Variants in SDK1 observed in about 807,000 individuals in gnomAD.
The protein encoded by SDK1 is protein sidekick-1.
Under a neutral mutation model 245.5 loss-of-function variants are expected in SDK1, and 157 were observed. The ratio of observed to expected loss-of-function variants is 0.64; its 90% CI spans 0.56 to 0.73. The LOEUF is 0.73. SDK1 is among the 30% of genes least tolerant of loss of function. The pLI is 0.00. For synonymous variants in SDK1, 1,647 were observed against 1,278.5 expected, an observed-to-expected ratio of 1.29 and a Z score of -6.15; for missense variants, 3,583 against 3,002.3, an observed-to-expected ratio of 1.19 and a Z score of -4.52.
chr7:3,646,146 C>T (rs56025717), intron 4 of SDK1, among the ~76,000 whole-genome samples: 32,897 of 152,042 alleles, frequency 0.22, 3,849 homozygotes, highest in South Asian at 0.34. Context: ...CGTGAGCCAC[C>T]ACACCCAGCC....
In SDK1 at chr7:4,178,633, G is replaced by A. The variant is rs752115904; in HGVS notation, c.5098+47G>A. On this transcript the variant is annotated intron_variant, in intron 35 of 44. Transcript: ENST00000404826. ...CCCCACTGCCAGAGAGGGCCACAGT[G>A]GTGGGGACAGCCAGGCACGCTGCGG... 59 of 1,385,530 alleles carry A rather than the reference G, an allele frequency of 4.3e-5. 1 individual carries two copies. The highest frequency in any genetic ancestry group is 5.9e-5 in the Non-Finnish European group (58 of 982,058). The allele number at this position is 1,385,530 out of a possible 1,614,324, so 85.8% of individuals were successfully genotyped here. A position where few individuals can be genotyped will look rare whatever the true frequency, so the allele number is the denominator to read the frequency against.
At chr7:3,813,563 A>G (rs1443192840) in intron 4 of SDK1, among the ~76,000 whole-genome samples, 1 of 150,772 alleles carries the variant, frequency 6.6e-6, no homozygotes, top group Non-Finnish European at 1.5e-5. Flanking sequence ...ATAATGCCGC[A>G]GTAAACATAC....
chr7:4,206,610 C>T (rs1453484348), intron 36 of SDK1, among the ~76,000 whole-genome samples: 1 of 152,150 alleles, frequency 6.6e-6, no homozygotes. Flanking sequence ...GACAGGAGAG[C>T]GTCGAGTGAG....
intron 4 of SDK1, among the ~76,000 whole-genome samples, chr7:3,699,896 CAT>C (rs974861903): frequency 2.0e-4 from 30 of 152,134 alleles, no homozygotes; most frequent in African/African-American, 6.5e-4. Context: ...CATCAAGAAA[CAT>C]AGTAGTTAAA....
At chr7:4,024,925 G>T (rs987754959) in intron 17 of SDK1, among the ~76,000 whole-genome samples, 1 of 152,084 alleles carries the variant, frequency 6.6e-6, no homozygotes, top group Non-Finnish European at 1.5e-5. Flanking sequence ...AGACATGGGC[G>T]TGCTTCTCAC....
chr7:4,002,196 A>ATC (rs1785123910), intron 14 of SDK1, among the ~76,000 whole-genome samples: 1 of 152,216 alleles, frequency 6.6e-6, no homozygotes, highest in Non-Finnish European at 1.5e-5. Flanking sequence ...TGACTAGACC[A>ATC]AGAGAAGCTT....
At chr7:3,408,647 G>A (rs1214285715) in intron 1 of SDK1, among the ~76,000 whole-genome samples, 1 of 152,104 alleles carries the variant, frequency 6.6e-6, no homozygotes, top group Non-Finnish European at 1.5e-5. Flanking sequence ...TTGGGCACCT[G>A]TTTGTATAAA....
At chr7:3,596,747 T>C (rs916713533) in intron 1 of SDK1, among the ~76,000 whole-genome samples, 5 of 152,200 alleles carry the variant, frequency 3.3e-5, no homozygotes, top group South Asian at 2.1e-4. Context: ...CAGAGTTTAA[T>C]TGAGCGAAGA....
At chr7:3,693,157 T>C (rs1784480414) in intron 4 of SDK1, among the ~76,000 whole-genome samples, 1 of 152,128 alleles carries the variant, frequency 6.6e-6, no homozygotes, top group South Asian at 2.1e-4. Context: ...TTTTTACAAA[T>C]AAAATGTTGT....
At chr7:3,813,011 T>C (rs574250693) in intron 4 of SDK1, among the ~76,000 whole-genome samples, 7 of 152,342 alleles carry the variant, frequency 4.6e-5, no homozygotes, top group Middle Eastern at 3.4e-3. Flanking sequence ...TTGCTCTTGA[T>C]GGAATAAACA....
chr7:4,052,212 C>A (rs1018301043), intron 19 of SDK1, among the ~76,000 whole-genome samples: 1 of 144,508 alleles, frequency 6.9e-6, no homozygotes. Context: ...TCCTGACCCT[C>A]GCTCCCAGGG....
In SDK1 at chr7:3,301,790, C is replaced by G. The variant is rs1245252628; in HGVS notation, c.204C>G (p.Cys68Trp). ...GGGACACGGCGGGCGCGGGGCGGTG[C>G]GGCGGGCGGCGGGCGGCAAAGTTGG... Reference protein sequence around the residue: ...SGGDTAGAGRCGGRRAAKLGP... With the variant: ...SGGDTAGAGRWGGRRAAKLGP... Residue 68 changes from cysteine (C) to tryptophan (W), a missense_variant, in exon 1 of 45, where the codon TGC becomes TGG. Transcript: ENST00000404826. 3.9e-6 allele frequency: 4 copies of G among 1,014,380 alleles called. No individual in the cohort carries two copies. Among genetic ancestry groups the G allele is most frequent in the Middle Eastern group, 4.8e-4 (1 of 2,074 alleles). The allele number at this position is 1,014,380 out of a possible 1,614,324, so 62.8% of individuals were successfully genotyped here.
intron 1 of SDK1, among the ~76,000 whole-genome samples, chr7:3,518,233 A>G (rs1782812070): frequency 6.6e-6 from 1 of 152,160 alleles, no homozygotes; most frequent in Non-Finnish European, 1.5e-5. Flanking sequence ...AGTAATATGT[A>G]TTAAAAATTT....
At chr7:3,627,444 G>A in intron 2 of SDK1, among the ~76,000 whole-genome samples, 1 of 152,156 alleles carries the variant, frequency 6.6e-6, no homozygotes, top group Non-Finnish European at 1.5e-5. Flanking sequence ...TGCTGGCCTA[G>A]TCAATGAGCA....
At chr7:3,807,248 A>G (rs1279895902) in intron 4 of SDK1, among the ~76,000 whole-genome samples, 3 of 152,282 alleles carry the variant, frequency 2.0e-5, no homozygotes, top group Non-Finnish European at 2.9e-5. Flanking sequence ...TGGAGAAGGT[A>G]ACCTCCAGAA....
chr7:3,814,905 C>T (rs1248942979), intron 4 of SDK1, among the ~76,000 whole-genome samples: 1 of 152,104 alleles, frequency 6.6e-6, no homozygotes, highest in African/African-American at 2.4e-5. Flanking sequence ...CATGATTTGG[C>T]TCTCTGTTTG....
At chr7:3,934,953 C>T (rs954837057) in intron 5 of SDK1, among the ~76,000 whole-genome samples, 6 of 152,194 alleles carry the variant, frequency 3.9e-5, no homozygotes, top group South Asian at 2.1e-4. Flanking sequence ...AAAGCCCCTT[C>T]GGTGTTGCTT....
At chr7:3,727,640 A>G (rs1254266747) in intron 4 of SDK1, among the ~76,000 whole-genome samples, 1 of 151,948 alleles carries the variant, frequency 6.6e-6, no homozygotes, top group African/African-American at 2.4e-5. Context: ...ATAGGCACAC[A>G]CCAGCGCGTC....
intron 1 of SDK1, among the ~76,000 whole-genome samples, chr7:3,455,940 C>A (rs1236048579): frequency 6.6e-6 from 1 of 152,162 alleles, no homozygotes; most frequent in Admixed American, 6.5e-5. Context: ...CAAATTCTTT[C>A]AGTTTTCCTT....
Sources: gnomAD v4.1 joint callset for allele counts (sites outside exome capture counted in the v4.1 genomes callset) on GRCh38, gnomAD v4.1.1 for gene constraint, MANE v1.5 for transcripts, NCBI Gene and HGNC (gene_info 2026-07-23, HGNC 2026-07-21) for gene names.